Variants in ROBO1 observed in about 807,000 individuals in gnomAD.
The protein encoded by ROBO1 is roundabout homolog 1.
Under a neutral mutation model 195.9 loss-of-function variants are expected in ROBO1, and 149 were observed. The observed-to-expected ratio is 0.76, with a 90% CI of 0.67 to 0.87. ROBO1 has a LOEUF of 0.87. ROBO1 is among the 40% of genes least tolerant of loss of function. The pLI is 0.00. For missense variants in ROBO1, 1,933 were observed against 2,068.3 expected (o/e 0.93, Z 1.27); for synonymous variants, 816 against 733.2 (o/e 1.11, Z -1.82).
At chr3:79,062,555 T>C (rs1159713779) in intron 3 of ROBO1, among the ~76,000 whole-genome samples, 1 of 152,170 alleles carries the variant, frequency 6.6e-6, no homozygotes, top group Non-Finnish European at 1.5e-5. Context: ...ACACATATGT[T>C]TATTGCGGCA....
At chr3:79,261,736 G>T (rs916227855) in intron 2 of ROBO1, among the ~76,000 whole-genome samples, 1 of 151,758 alleles carries the variant, frequency 6.6e-6, no homozygotes, top group African/African-American at 2.4e-5. Context: ...TTTTGTATAA[G>T]ACACCAAGGA....
At chr3:79,552,708 T>C (rs1023823977) in intron 2 of ROBO1, among the ~76,000 whole-genome samples, 4 of 152,158 alleles carry the variant, frequency 2.6e-5, no homozygotes, top group Admixed American at 2.0e-4. Flanking sequence ...GGCAGATAGA[T>C]GGCAGTTTAT....
intron 3 of ROBO1, among the ~76,000 whole-genome samples, chr3:78,962,747 C>T (rs2041433509): frequency 7.1e-6 from 1 of 141,504 alleles, no homozygotes; most frequent in Non-Finnish European, 1.5e-5. Context: ...TGGTGTGAAC[C>T]TGGAGGGCAG....
chr3:79,053,705 A>T (rs1241946523), intron 3 of ROBO1, among the ~76,000 whole-genome samples: 2 of 141,468 alleles, frequency 1.4e-5, no homozygotes, highest in Non-Finnish European at 3.1e-5. Flanking sequence ...TTCTGCTCTG[A>T]CCCCCTCACC....
At chr3:79,403,266 C>T (rs902364902) in intron 2 of ROBO1, among the ~76,000 whole-genome samples, 1 of 151,954 alleles carries the variant, frequency 6.6e-6, no homozygotes, top group African/African-American at 2.4e-5. Flanking sequence ...TAAGTCTGCT[C>T]AGCATTTTCT....
chr3:78,680,491 A>G (rs986131339), intron 10 of ROBO1, among the ~76,000 whole-genome samples: 1 of 152,076 alleles, frequency 6.6e-6, no homozygotes, highest in African/African-American at 2.4e-5. Context: ...TACAAGAAAA[A>G]AACAAACAAC....
At chr3:78,946,304 C>A (rs1038428792) in intron 3 of ROBO1, among the ~76,000 whole-genome samples, 2 of 152,230 alleles carry the variant, frequency 1.3e-5, no homozygotes, top group South Asian at 2.1e-4. Flanking sequence ...GGGAAGCCCA[C>A]CAGACTAACA....
intron 3 of ROBO1, among the ~76,000 whole-genome samples, chr3:78,972,026 A>T (rs1254702281): frequency 6.6e-6 from 1 of 152,180 alleles, no homozygotes; most frequent in Non-Finnish European, 1.5e-5. Context: ...TCGGCCTCCC[A>T]AAGTGCTGGG....
intron 2 of ROBO1, among the ~76,000 whole-genome samples, chr3:79,438,116 G>C (rs1490644800): frequency 6.6e-6 from 1 of 151,762 alleles, no homozygotes; most frequent in Non-Finnish European, 1.5e-5. Context: ...ATCCCTCACT[G>C]TTTTTTAACT....
At chr3:78,621,681 A>C (rs1403009600) in intron 26 of ROBO1, among the ~76,000 whole-genome samples, 1 of 152,202 alleles carries the variant, frequency 6.6e-6, no homozygotes, top group Admixed American at 6.5e-5. Context: ...AATGAACCTC[A>C]ACCCTCTAGA....
chr3:79,166,539 GA>G (rs201243912), intron 2 of ROBO1, among the ~76,000 whole-genome samples: 5,848 of 151,220 alleles, frequency 0.039, 185 homozygotes, highest in South Asian at 0.11. Context: ...TTGCAGGATG[GA>G]AGGCAAGTTT....
At chr3:79,452,460 G>A (rs757033237) in intron 2 of ROBO1, among the ~76,000 whole-genome samples, 133 of 152,022 alleles carry the variant, frequency 8.7e-4, no homozygotes, top group Non-Finnish European at 1.6e-3. Flanking sequence ...CCAATAGAAC[G>A]TATATTGGAC....
intron 1 of ROBO1, among the ~76,000 whole-genome samples, chr3:79,685,415 G>T (rs552207021): frequency 6.6e-6 from 1 of 152,254 alleles, no homozygotes; most frequent in Admixed American, 6.5e-5. Flanking sequence ...GGCCTTTATG[G>T]ACATCTGAAA....
intron 2 of ROBO1, among the ~76,000 whole-genome samples, chr3:79,515,090 T>C (rs1940886811): frequency 6.6e-6 from 1 of 152,202 alleles, no homozygotes; most frequent in African/African-American, 2.4e-5. Context: ...CCTTGTTTGC[T>C]GATTTCCCCT....
intron 1 of ROBO1, among the ~76,000 whole-genome samples, chr3:79,700,724 T>C (rs968638711): frequency 3.9e-5 from 6 of 151,922 alleles, no homozygotes; most frequent in African/African-American, 1.2e-4. Context: ...TGGGGTTATT[T>C]GTTTTTTGCT....
chr3:79,084,778 G>A (rs1364904726), intron 3 of ROBO1, among the ~76,000 whole-genome samples: 4 of 152,110 alleles, frequency 2.6e-5, no homozygotes, highest in Non-Finnish European at 5.9e-5. Context: ...AAGAAAACAT[G>A]TTCAGGTCCC....
chr3:78,830,931 G>C (rs1469845067), intron 4 of ROBO1, among the ~76,000 whole-genome samples: 1 of 151,750 alleles, frequency 6.6e-6, no homozygotes, highest in East Asian at 1.9e-4. Context: ...TTTTGTTTTT[G>C]AGATGGAGTC....
At chr3:79,529,328 CA>C (rs890179764) in intron 2 of ROBO1, among the ~76,000 whole-genome samples, 3 of 151,682 alleles carry the variant, frequency 2.0e-5, no homozygotes, top group East Asian at 1.9e-4. Flanking sequence ...AAAAATTAAA[CA>C]AAAAAAATTA....
chr3:79,039,898 G>A (rs1209480900), intron 3 of ROBO1, among the ~76,000 whole-genome samples: 1 of 151,250 alleles, frequency 6.6e-6, no homozygotes, highest in Non-Finnish European at 1.5e-5. Context: ...GTAAAATGAG[G>A]ACAATAATAA....
Sources: gnomAD v4.1 joint callset for allele counts (sites outside exome capture counted in the v4.1 genomes callset) on GRCh38, gnomAD v4.1.1 for gene constraint, MANE v1.5 for transcripts, NCBI Gene and HGNC (gene_info 2026-07-23, HGNC 2026-07-21) for gene names.